The following KLF12 variants were observed in gnomAD, a reference collection of about 807,000 sequenced individuals.
The protein encoded by KLF12 is Krueppel-like factor 12.
Under a neutral mutation model 37.8 loss-of-function variants are expected in KLF12, and 9 were observed. The ratio of observed to expected loss-of-function variants is 0.24; its 90% CI spans 0.14 to 0.42. The LOEUF (loss-of-function observed/expected upper bound fraction) is 0.42. Ranked by LOEUF, KLF12 falls within the 10% of genes least tolerant of loss-of-function variation. KLF12 has a pLI of 1.00. For missense variants in KLF12, 411 were observed against 516.0 expected (o/e 0.80, Z 1.97); for synonymous variants, 208 against 202.1 (o/e 1.03, Z -0.25).
At position 74,064,204 on chromosome 13, in the gene KLF12, C is replaced by A. The variant is rs72628052; in HGVS notation, c.-31-69151G>T. On this transcript the variant is annotated intron_variant, in intron 1 of 7. Coordinates refer to ENST00000377669, the MANE Select transcript of KLF12 (RefSeq NM_007249.5). ...CAATGGTGATGATGGAAAACCACCC[C>A]TCTCCATCACCAAGAAAAACATCAC... 1.5e-3 allele frequency among the ~76,000 whole-genome samples: 226 copies of A among 152,256 alleles called. 7 individuals carry two copies. The East Asian group carries it at 0.042, about 28-fold the overall frequency.
At chr13:74,205,553 C>T in the KLF12 span, among the ~76,000 whole-genome samples, 2 of 152,158 alleles carry the variant, frequency 1.3e-5, no homozygotes, top group African/African-American at 4.8e-5. Flanking sequence ...TCTGACTTAG[C>T]AAACACAATC....
chr13:73,965,303 A>G (rs890832310), intron 2 of KLF12, among the ~76,000 whole-genome samples: 1 of 152,226 alleles, frequency 6.6e-6, no homozygotes, highest in Admixed American at 6.5e-5. Flanking sequence ...CGAATAATAC[A>G]TATTTCAGAC....
At chr13:74,094,277 AATAACT>A (rs1875849170) in intron 1 of KLF12, among the ~76,000 whole-genome samples, 1 of 152,212 alleles carries the variant, frequency 6.6e-6, no homozygotes, top group Non-Finnish European at 1.5e-5. Flanking sequence ...TTTTATTAAT[AATAACT>A]ATAACATTTA....
At position 73,860,615 on chromosome 13, in the gene KLF12, A is replaced by T. The variant is rs992237966; in HGVS notation, c.124-14242T>A. The stretch of plus-strand genomic sequence containing the variant: ...ATAAATAAGCTGGGTGTGGTGGTGC[A>T]CACCTGTAGTCTTAGCCATGCCAAA... On this transcript the variant is annotated intron_variant, in intron 3 of 7. Transcript: ENST00000377669. Among the ~76,000 whole-genome samples the T allele has an allele frequency of 3.9e-5, 6 of 152,276 alleles. No individual in the cohort carries two copies. The East Asian group carries it at 7.7e-4, about 20-fold the overall frequency.
chr13:74,156,317 C>T, the KLF12 span, among the ~76,000 whole-genome samples: 2 of 152,114 alleles, frequency 1.3e-5, no homozygotes, highest in African/African-American at 2.4e-5. Flanking sequence ...CCATTGGATT[C>T]CTCTCTTATC....
intron 1 of KLF12, among the ~76,000 whole-genome samples, chr13:74,009,738 A>G (rs1892502276): frequency 6.6e-6 from 1 of 152,194 alleles, no homozygotes; most frequent in South Asian, 2.1e-4. Flanking sequence ...GAAGTGCTAC[A>G]TGAATTGTCA....
the KLF12 span, among the ~76,000 whole-genome samples, chr13:74,225,236 A>T: frequency 6.6e-6 from 1 of 152,136 alleles, no homozygotes; most frequent in African/African-American, 2.4e-5. Flanking sequence ...TGATATCATC[A>T]TCCTATTCCA....
intron 1 of KLF12, among the ~76,000 whole-genome samples, chr13:74,059,917 T>C (rs955639001): frequency 2.0e-5 from 3 of 152,214 alleles, no homozygotes; most frequent in Non-Finnish European, 4.4e-5. Context: ...TTTAAGTCTT[T>C]AATCCATCTT....
the KLF12 span, among the ~76,000 whole-genome samples, chr13:74,296,558 T>C: frequency 6.6e-6 from 1 of 152,200 alleles, no homozygotes; most frequent in African/African-American, 2.4e-5. Flanking sequence ...AATTCTAAAA[T>C]CTGGACACCT....
At chr13:73,872,042 G>C (rs780446624) in intron 3 of KLF12, among the ~76,000 whole-genome samples, 5 of 152,190 alleles carry the variant, frequency 3.3e-5, no homozygotes, top group Non-Finnish European at 7.3e-5. Flanking sequence ...GGATTTCCTA[G>C]AGAAACTTCT....
chr13:74,261,207 C>G, the KLF12 span, among the ~76,000 whole-genome samples: 2 of 152,070 alleles, frequency 1.3e-5, no homozygotes, highest in Admixed American at 1.3e-4. Flanking sequence ...TAGTGGTTAA[C>G]AGAATAATAT....
intron 3 of KLF12, among the ~76,000 whole-genome samples, chr13:73,906,912 T>G (rs1888329365): frequency 6.6e-6 from 1 of 152,170 alleles, no homozygotes; most frequent in Non-Finnish European, 1.5e-5. Context: ...CTTTCCTCCT[T>G]ATTACTTGCC....
At chr13:74,082,163 T>TAAAAAAAAAAAAAAAA (rs57156299) in intron 1 of KLF12, among the ~76,000 whole-genome samples, 35 of 114,730 alleles carry the variant, frequency 3.1e-4, no homozygotes, top group Middle Eastern at 4.2e-3. Context: ...CCCTGTCTCT[T>TAAAAAAAAAAAAAAAA]AAAAAAAAAA....
chr13:73,724,633 A>C (rs1331553049), intron 6 of KLF12, among the ~76,000 whole-genome samples: 1 of 152,152 alleles, frequency 6.6e-6, no homozygotes, highest in Non-Finnish European at 1.5e-5. Context: ...TGTTCCTGAA[A>C]ATTTTCCTTA....
intron 1 of KLF12, among the ~76,000 whole-genome samples, chr13:74,034,052 T>C (rs1027499524): frequency 6.6e-6 from 1 of 151,960 alleles, no homozygotes; most frequent in Non-Finnish European, 1.5e-5. Context: ...CGCATTCACT[T>C]TTTTTGTTTT....
In KLF12 at chr13:73,867,924, G is replaced by C. The variant is rs535202703; in HGVS notation, c.124-21551C>G. Among the ~76,000 whole-genome samples the C allele has an allele frequency of 2.6e-5, 4 of 151,878 alleles. No individual in the cohort carries two copies. In the East Asian group the frequency reaches 7.8e-4, roughly 30 times the overall value. ...TAATCCCAGCTACTTGAGAGGTTGA[G>C]GCAGGAGAATCGCTTGAACCTGGGA... On this transcript the variant is annotated intron_variant, in intron 3 of 7. Coordinates refer to ENST00000377669, the MANE Select transcript of KLF12 (RefSeq NM_007249.5).
At chr13:73,811,047 G>A (rs1198529616) in intron 5 of KLF12, among the ~76,000 whole-genome samples, 2 of 113,636 alleles carry the variant, frequency 1.8e-5, no homozygotes, top group Admixed American at 2.5e-4. Context: ...GTACAGTGAT[G>A]TGATCTCAGC....
the KLF12 span, among the ~76,000 whole-genome samples, chr13:74,253,050 T>A: frequency 6.6e-6 from 1 of 152,026 alleles, no homozygotes; most frequent in Non-Finnish European, 1.5e-5. Context: ...TATCTATCTA[T>A]CATCTATCTA....
At chr13:74,206,163 A>G in the KLF12 span, among the ~76,000 whole-genome samples, 3 of 152,164 alleles carry the variant, frequency 2.0e-5, no homozygotes, top group Non-Finnish European at 4.4e-5. Flanking sequence ...AGAATGACTC[A>G]TCTGTTTTCA....
Sources: allele counts gnomAD v4.1 joint callset (sites outside exome capture counted in the v4.1 genomes callset), GRCh38; gene constraint gnomAD v4.1.1; transcripts MANE v1.5; gene names NCBI Gene and HGNC (gene_info 2026-07-23, HGNC 2026-07-21).